BMPR1B: variants seen among roughly 807,000 people sequenced by gnomAD.
The protein encoded by BMPR1B is bone morphogenetic protein receptor type-1B.
In BMPR1B, 12 loss-of-function variants were observed where a neutral mutation model predicts 59.1. The observed-to-expected ratio is 0.20, with a 90% confidence interval of 0.13 to 0.33. The LOEUF is 0.33. BMPR1B is among the 10% of genes least tolerant of loss of function. The probability of loss-of-function intolerance (pLI) is 1.00; values close to 1 mark genes in which losing one functional copy is unlikely to be tolerated. For missense variants in BMPR1B, 550 were observed against 610.9 expected, an observed-to-expected ratio of 0.90 and a Z score of 1.05; for synonymous variants, 237 against 207.3, an observed-to-expected ratio of 1.14 and a Z score of -1.23.
intron 2 of BMPR1B, among the ~76,000 whole-genome samples, chr4:94,900,243 C>T (rs1727758008): frequency 6.7e-6 from 1 of 149,562 alleles, no homozygotes; most frequent in Admixed American, 6.7e-5. Flanking sequence ...TCAGTGCTGG[C>T]TTTGTGTATA....
At chr4:95,078,677 C>T (rs1728889501) in intron 3 of BMPR1B, among the ~76,000 whole-genome samples, 1 of 152,306 alleles carries the variant, frequency 6.6e-6, no homozygotes, top group Non-Finnish European at 1.5e-5. Flanking sequence ...CTCTCACATG[C>T]ATGTTCCCAT....
rs757434006 is a variant in BMPR1B, at chr4:95,148,779, A to T, written c.1108A>T (p.Thr370Ser). Reference protein sequence around the residue: ...DTNEVDIPPNTRVGTKRYMPP... With the variant: ...DTNEVDIPPNSRVGTKRYMPP... ...AAATGAAGTTGACATACCACCTAAC[A>T]CTCGAGTTGGCACCAAACGCTATAT... The change falls in exon 11 of 13, where the codon ACT (threonine) becomes TCT (serine). Residue 370 changes from threonine to serine, a missense_variant. Physicochemically the swap from Thr to Ser is moderately conservative, Grantham distance 58. This residue lies in a region of BMPR1B where 318 missense variants were observed against 284.6 expected (regional missense o/e 1.12). Coordinates refer to ENST00000515059, the MANE Select transcript of BMPR1B (RefSeq NM_001203.3). 6.2e-7 allele frequency: 1 copy of T among 1,613,924 alleles called. No homozygotes were observed. Among genetic ancestry groups the T allele is most frequent in the Non-Finnish European group, 8.5e-7 (1 of 1,179,926 alleles).
intron 3 of BMPR1B, among the ~76,000 whole-genome samples, chr4:95,043,599 A>C (rs1725829829): frequency 6.6e-6 from 1 of 152,206 alleles, no homozygotes; most frequent in African/African-American, 2.4e-5. Flanking sequence ...TCTCTAGGTA[A>C]ATGATATTGT....
intron 6 of BMPR1B, among the ~76,000 whole-genome samples, chr4:95,116,419 G>GCACACACA (rs1168592798): frequency 0.014 from 703 of 51,010 alleles, 7 homozygotes; most frequent in Middle Eastern, 0.051. Flanking sequence ...CTTTCAGCGC[G>GCACACACA]CGCACACACA....
intron 1 of BMPR1B, among the ~76,000 whole-genome samples, chr4:94,851,525 A>G (rs1725565023): frequency 6.6e-6 from 1 of 152,108 alleles, no homozygotes; most frequent in South Asian, 2.1e-4. Flanking sequence ...TTAGCATTAG[A>G]ACATGTTTTT....
intron 2 of BMPR1B, among the ~76,000 whole-genome samples, chr4:94,884,799 G>A (rs902119886): frequency 6.6e-6 from 1 of 152,192 alleles, no homozygotes; most frequent in African/African-American, 2.4e-5. Context: ...CTTCGTAGTT[G>A]TTCCTATTAA....
chr4:94,821,277 TTGG>T (rs1724198919), intron 1 of BMPR1B, among the ~76,000 whole-genome samples: 1 of 152,152 alleles, frequency 6.6e-6, no homozygotes, highest in African/African-American at 2.4e-5. Context: ...AAACATGTAT[TTGG>T]TAACTAGTAA....
At chr4:94,931,518 T>G (rs1729091087) in intron 2 of BMPR1B, among the ~76,000 whole-genome samples, 1 of 152,062 alleles carries the variant, frequency 6.6e-6, no homozygotes, top group South Asian at 2.1e-4. Flanking sequence ...GTGGGCAGGC[T>G]CTCAGTGAAG....
At chr4:94,766,709 C>T (rs539816005) in intron 1 of BMPR1B, among the ~76,000 whole-genome samples, 1 of 151,962 alleles carries the variant, frequency 6.6e-6, no homozygotes, top group African/African-American at 2.4e-5. Flanking sequence ...ACAGAAGTAG[C>T]CACCATTAGC....
At chr4:95,048,464 G>A (rs1033055106) in intron 3 of BMPR1B, among the ~76,000 whole-genome samples, 1 of 152,150 alleles carries the variant, frequency 6.6e-6, no homozygotes, top group African/African-American at 2.4e-5. Context: ...GCCAGCATTT[G>A]TGGATTTTTG....
chr4:94,888,381 AGAAAT>A (rs1304466423), intron 2 of BMPR1B, among the ~76,000 whole-genome samples: 2 of 151,924 alleles, frequency 1.3e-5, no homozygotes, highest in African/African-American at 2.4e-5. Flanking sequence ...AGAGGGGAAA[AGAAAT>A]GAAAATAGAA....
intron 2 of BMPR1B, among the ~76,000 whole-genome samples, chr4:94,897,941 C>CTTTTTTT (rs869186341): frequency 6.6e-4 from 60 of 90,292 alleles, no homozygotes; most frequent in East Asian, 8.9e-4. Flanking sequence ...AATTCTTTTC[C>CTTTTTTT]TTTTTTTTTT....
chr4:94,927,463 A>G (rs1312992132), intron 2 of BMPR1B, among the ~76,000 whole-genome samples: 1 of 152,188 alleles, frequency 6.6e-6, no homozygotes. Flanking sequence ...TAAAATCATC[A>G]TGAAGAAATT....
At chr4:94,967,870 A>C (rs1472872534) in intron 2 of BMPR1B, among the ~76,000 whole-genome samples, 1 of 152,192 alleles carries the variant, frequency 6.6e-6, no homozygotes, top group African/African-American at 2.4e-5. Flanking sequence ...AGAATACGCT[A>C]TTCATGTCAT....
chr4:95,136,746 G>T lies in BMPR1B; in HGVS notation c.1076+5234G>T, dbSNP rs377205447. The stretch of plus-strand genomic sequence containing the variant: ...GTTAGTTTGTATTTCTGTGGGATCG[G>T]TGGTGATATCCCCTTTATCATTTTT... On this transcript the variant is annotated intron_variant, in intron 10 of 12. Transcript: ENST00000515059. Among the ~76,000 whole-genome samples the T allele has an allele frequency of 9.2e-5, 14 of 152,222 alleles. No individual in the cohort carries two copies. The East Asian group carries it at 2.7e-3, about 29-fold the overall frequency.
intron 3 of BMPR1B, among the ~76,000 whole-genome samples, chr4:95,097,872 A>T (rs1024763712): frequency 2.0e-5 from 3 of 152,114 alleles, no homozygotes; most frequent in African/African-American, 7.2e-5. Context: ...TGTAGATTTT[A>T]CTCTATTGAT....
chr4:94,956,377 C>T (rs1380746817), intron 2 of BMPR1B, among the ~76,000 whole-genome samples: 2 of 152,034 alleles, frequency 1.3e-5, no homozygotes, highest in African/African-American at 4.8e-5. Flanking sequence ...TGATAACCCC[C>T]TCCCCATAAA....
chr4:94,820,305 A>G (rs1217540169), intron 1 of BMPR1B, among the ~76,000 whole-genome samples: 1 of 152,226 alleles, frequency 6.6e-6, no homozygotes, highest in African/African-American at 2.4e-5. Flanking sequence ...TAAATGAACT[A>G]AAAAGCCATT....
At chr4:95,012,042 A>C (rs13111363) in intron 3 of BMPR1B, among the ~76,000 whole-genome samples, 36,712 of 150,070 alleles carry the variant, frequency 0.24, 5,765 homozygotes, top group African/African-American at 0.46. Flanking sequence ...ACAACAACAA[A>C]AAAAAAAAAG....
Sources: gnomAD v4.1 joint callset for allele counts (sites outside exome capture counted in the v4.1 genomes callset) on GRCh38, gnomAD v4.1.1 for gene constraint, gnomAD v4.1.1 regional missense constraint, MANE v1.5 for transcripts, NCBI Gene and HGNC (gene_info 2026-07-23, HGNC 2026-07-21) for gene names.